CFAP99: variants seen among roughly 807,000 people sequenced by gnomAD.
CFAP99 encodes the protein cilia- and flagella-associated protein 99.
Under a neutral mutation model 82.7 loss-of-function variants are expected in CFAP99, and 84 were observed. That is an observed-to-expected ratio of 1.02 (90% CI 0.85 to 1.22). CFAP99 has a LOEUF of 1.22. Among genes scored for constraint, CFAP99 ranks in the 50% most tolerant of loss-of-function variants. The pLI, the probability that CFAP99 is intolerant of heterozygous loss-of-function variation, is 0.00. For synonymous variants in CFAP99, 456 were observed against 429.5 expected (o/e 1.06, Z -0.76); for missense variants, 1,059 against 983.5 (o/e 1.08, Z -1.03).
chr4:2,462,033 T>C lies in CFAP99; in HGVS notation c.1662-410T>C, dbSNP rs1734632866. ...GCTGCTAGGCGCCGTGGCTCACGCC[T>C]GTAATCCCAGCATTTTGGGAGGCTG... On this transcript the variant is annotated intron_variant, in intron 14 of 14. Coordinates refer to ENST00000635017, the Ensembl canonical transcript of CFAP99. The surrounding 1 kb of genome is among the most constrained non-coding windows in gnomAD (Gnocchi z 4.1). Among the ~76,000 whole-genome samples, 1 of 150,336 alleles carries C rather than the reference T, an allele frequency of 6.7e-6. No individual in the cohort carries two copies. Among genetic ancestry groups the C allele is most frequent in the South Asian group, 2.1e-4 (1 of 4,776 alleles).
intron 2 of CFAP99, among the ~76,000 whole-genome samples, chr4:2,431,472 A>C (rs1203771): frequency 0.71 from 108,656 of 152,026 alleles, 39,488 homozygotes; most frequent in East Asian, 0.99. Flanking sequence ...GAGGTGAGAT[A>C]TGTTACAAAC....
chr4:2,439,522 G>A (rs1318095486), intron 4 of CFAP99, among the ~76,000 whole-genome samples: 4 of 152,190 alleles, frequency 2.6e-5, no homozygotes, highest in Non-Finnish European at 5.9e-5. Flanking sequence ...ACCTGGGACC[G>A]GCGGCTCACA....
Position 2,437,038 on chromosome 4 carries a change from C to T in CFAP99, c.256+20C>T. ...TCGAGGGTAGGTGCCTGGCTGGTCC[C>T]CAGGGCCAGGCCGTAGAGACGGTTC... On this transcript the variant is annotated intron_variant, in intron 3 of 14. Transcript: ENST00000635017. 1.3e-6 allele frequency: 2 copies of T among 1,535,900 alleles called. No individual in the cohort carries two copies. Among genetic ancestry groups the T allele is most frequent in the Non-Finnish European group, 1.7e-6 (2 of 1,146,764 alleles).
intron 5 of CFAP99, 49 bp downstream of exon 5, chr4:2,443,291 A>T: frequency 8.1e-7 from 1 of 1,227,684 alleles, no homozygotes; most frequent in South Asian, 1.3e-5. Flanking sequence ...TCTGCACCCC[A>T]TTCCAGGTGC....
At chr4:2,458,834 A>T in exon 12 of CFAP99, 1 of 1,535,788 alleles carries the variant, frequency 6.5e-7, no homozygotes, top group East Asian at 2.4e-5. Flanking sequence ...GGCGGCCCAG[A>T]CGAAGCTCGC....
intron 4 of CFAP99, among the ~76,000 whole-genome samples, chr4:2,441,682 C>G (rs1734044832): frequency 6.6e-6 from 1 of 152,246 alleles, no homozygotes; most frequent in Non-Finnish European, 1.5e-5. Context: ...AGGAGACTGC[C>G]TCCCTCCATC....
chr4:2,434,427 C>A (rs1214030478), intron 2 of CFAP99, among the ~76,000 whole-genome samples: 1 of 152,242 alleles, frequency 6.6e-6, no homozygotes, highest in African/African-American at 2.4e-5. Context: ...AGCCCTAGAA[C>A]GAAGGACTGT....
chr4:2,439,425 A>T (rs1478508262), intron 4 of CFAP99, among the ~76,000 whole-genome samples: 1 of 152,116 alleles, frequency 6.6e-6, no homozygotes, highest in African/African-American at 2.4e-5. Flanking sequence ...CTCTTGAAGG[A>T]AGCAGCTAGC....
At position 2,446,543 on chromosome 4, in the gene CFAP99, C is replaced by T. The variant is rs1028859446; in HGVS notation, c.642+1235C>T. ...GAGTAGCTGGGATTACAGGTACCGG[C>T]CACCACACCCGGCTAATTTTTATAT... On this transcript the variant is annotated intron_variant, in intron 6 of 14. Coordinates refer to ENST00000635017, the Ensembl canonical transcript of CFAP99. This position sits in a 1 kb window ranked among gnomAD's most constrained non-coding sequence, Gnocchi z 5.0. Among the ~76,000 whole-genome samples, 15 of 152,150 alleles carry T rather than the reference C, an allele frequency of 9.9e-5. No individual in the cohort carries two copies. The highest frequency in any genetic ancestry group is 1.5e-5 in the Non-Finnish European group (1 of 68,032).
chr4:2,437,094 G>T, intron 3 of CFAP99, 76 bp downstream of exon 3: 2 of 1,504,406 alleles, frequency 1.3e-6, no homozygotes. Flanking sequence ...GGCCTGGCAG[G>T]CAGGCAGCGG....
chr4:2,460,004 T>C (rs1734577192), intron 13 of CFAP99, 33 bp from the exon 14 acceptor site: 7 of 1,530,870 alleles, frequency 4.6e-6, no homozygotes, highest in Non-Finnish European at 5.2e-6. Context: ...CCAGCACAGC[T>C]CCCAGCTTGG....
At chr4:2,455,105 G>A (rs1200769298) in intron 11 of CFAP99, among the ~76,000 whole-genome samples, 1 of 152,220 alleles carries the variant, frequency 6.6e-6, no homozygotes, top group African/African-American at 2.4e-5. Flanking sequence ...TCGCCATGTT[G>A]CCCAGGCTGG....
chr4:2,460,306 G>T, intron 14 of CFAP99, 64 bp downstream of exon 14: 1 of 1,433,318 alleles, frequency 7.0e-7, no homozygotes, highest in Non-Finnish European at 9.5e-7. Context: ...AGCCTGCCTT[G>T]CACCCTCCTG....
intron 4 of CFAP99, among the ~76,000 whole-genome samples, chr4:2,440,290 G>A (rs181507143): frequency 0.026 from 3,770 of 147,646 alleles, 219 homozygotes; most frequent in Admixed American, 0.15. Context: ...GGGACTACAG[G>A]CGCCCGCCAC....
rs944198073 is a variant in CFAP99, at chr4:2,462,536, G to T, written c.1755G>T (p.Ala585=). 1.0e-5 allele frequency: 15 copies of T among 1,470,396 alleles called. No homozygotes were observed. The highest frequency in any genetic ancestry group is 1.3e-5 in the South Asian group (1 of 77,396). 91.1% of individuals were successfully genotyped at this position (1,470,396 alleles called of 1,614,324 possible). ...TGCGGCGCAGGATCTCGGAGAGGGC[G>T]GCCGAGCGCAGCAGGCAGGCGGCCT... Residue 585 remains alanine (A), a synonymous_variant, in exon 15 of 15, where the codon GCG becomes GCT. Coordinates refer to ENST00000635017, the Ensembl canonical transcript of CFAP99. The surrounding 1 kb of genome is among the most constrained non-coding windows in gnomAD (Gnocchi z 4.1).
chr4:2,440,149 C>CTTTTTTTTTTTTTTTTTTTT lies in CFAP99; in HGVS notation c.351+2000_351+2001insTTTTTTTTTTTTTTTTTTTT, dbSNP rs1253819268. Among the ~76,000 whole-genome samples the CTTTTTTTTTTTTTTTTTTTT allele has an allele frequency of 1.8e-4, 19 of 104,030 alleles. 2 individuals carry two copies. The highest frequency in any genetic ancestry group is 2.3e-4 in the African/African-American group (5 of 21,732). 68.2% of individuals were successfully genotyped at this position (104,030 alleles called of 152,430 possible). Reference sequence around the variant, plus strand: ...GAGCCACTGCGCCCAGCTTGACATTCTTTTTTTTTTTTTTTGAGACGGAGT... The same window carrying CTTTTTTTTTTTTTTTTTTTT: ...GAGCCACTGCGCCCAGCTTGACATTCTTTTTTTTTTTTTTTTTTTTTTTTTTTTTTTTTTTGAGACGGAGT... On this transcript the variant is annotated intron_variant, in intron 4 of 14. Coordinates refer to ENST00000635017, the Ensembl canonical transcript of CFAP99.
exon 6 of CFAP99, chr4:2,445,160 A>G (rs912863987): frequency 1.1e-5 from 15 of 1,401,764 alleles, no homozygotes; most frequent in South Asian, 1.6e-5. Context: ...GAGCTGATCA[A>G]CCACCTGGAG....
At chr4:2,440,654 G>T (rs1418636718) in intron 4 of CFAP99, among the ~76,000 whole-genome samples, 1 of 151,218 alleles carries the variant, frequency 6.6e-6, no homozygotes, top group Non-Finnish European at 1.5e-5. Context: ...GTGCAGTGGC[G>T]TGATCTCCGC....
chr4:2,458,901 T>C, intron 12 of CFAP99, 37 bp downstream of exon 12: 1 of 1,514,724 alleles, frequency 6.6e-7, no homozygotes, highest in Non-Finnish European at 8.8e-7. Context: ...CCTACCCCGC[T>C]CTTCCCCACT....
Sources: gnomAD v4.1 joint callset for allele counts (sites outside exome capture counted in the v4.1 genomes callset) on GRCh38, gnomAD v4.1.1 for gene constraint, Gnocchi (gnomAD v3.1) non-coding constraint, MANE v1.5 for transcripts, NCBI Gene and HGNC (gene_info 2026-07-23, HGNC 2026-07-21) for gene names.